RAB27A: variants seen among roughly 807,000 people sequenced by gnomAD.
The protein encoded by RAB27A is RAB27A, member RAS oncogene family.
RAB27A carries 17 observed loss-of-function variants against 20.8 expected under a neutral mutation model. That is an observed-to-expected ratio of 0.82 (90% CI 0.56 to 1.23). The LOEUF (loss-of-function observed/expected upper bound fraction) is 1.23. RAB27A is among the 50% of genes most tolerant of loss of function. The probability of loss-of-function intolerance (pLI) is 0.00; values close to 1 mark genes in which losing one functional copy is unlikely to be tolerated. For missense variants in RAB27A, 277 were observed against 266.7 expected (o/e 1.04, Z -0.27); for synonymous variants, 85 against 92.8 (o/e 0.92, Z 0.48).
intron 2 of RAB27A, among the ~76,000 whole-genome samples, chr15:55,301,142 CA>C (rs1052980165): frequency 6.6e-6 from 1 of 151,994 alleles, no homozygotes; most frequent in African/African-American, 2.4e-5. Flanking sequence ...AGCTTTGGAC[CA>C]AACTAATCTA....
At chr15:55,257,903 G>C (rs1339438731) in intron 2 of RAB27A, among the ~76,000 whole-genome samples, 24 of 152,078 alleles carry the variant, frequency 1.6e-4, no homozygotes, top group Admixed American at 1.6e-3. Context: ...TAAGGCATGA[G>C]AATTGCTTGA....
At chr15:55,265,197 G>A (rs192165841) in intron 2 of RAB27A, among the ~76,000 whole-genome samples, 4 of 152,198 alleles carry the variant, frequency 2.6e-5, no homozygotes, top group East Asian at 1.9e-4. Context: ...AGCCGAGATC[G>A]CACATTGCAC....
chr15:55,296,352 T>C (rs917818814), intron 2 of RAB27A, among the ~76,000 whole-genome samples: 1 of 151,538 alleles, frequency 6.6e-6, no homozygotes, highest in Non-Finnish European at 1.5e-5. Context: ...AAAAATTAGC[T>C]GGGCGTGGTG....
chr15:55,291,435 C>T (rs1462943648), upstream of RAB27A, among the ~76,000 whole-genome samples: 2 of 138,618 alleles, frequency 1.4e-5, no homozygotes, highest in African/African-American at 5.4e-5. Flanking sequence ...CGCTTGAACC[C>T]GAGAGGTGGA....
At chr15:55,277,123 G>A (rs575281607) in intron 1 of RAB27A, among the ~76,000 whole-genome samples, 103 of 152,242 alleles carry the variant, frequency 6.8e-4, no homozygotes, top group Non-Finnish European at 1.2e-3. Context: ...TGGCAGGGGT[G>A]GATGGAGCAA....
intron 6 of RAB27A, among the ~76,000 whole-genome samples, chr15:55,218,017 G>C (rs1895395953): frequency 6.6e-6 from 1 of 152,198 alleles, no homozygotes; most frequent in Admixed American, 6.5e-5. Flanking sequence ...TGTGGCGTAG[G>C]TCAGCATCCT....
intron 6 of RAB27A, among the ~76,000 whole-genome samples, chr15:55,214,968 G>A (rs1895209266): frequency 6.6e-6 from 1 of 152,040 alleles, no homozygotes; most frequent in South Asian, 2.1e-4. Context: ...ATCAGTTAAT[G>A]TCCACAGAAC....
At chr15:55,255,155 C>T (rs1413244352) in intron 2 of RAB27A, among the ~76,000 whole-genome samples, 1 of 152,154 alleles carries the variant, frequency 6.6e-6, no homozygotes, top group Non-Finnish European at 1.5e-5. Context: ...GTTTCAACGG[C>T]AACATCCTCA....
intron 2 of RAB27A, chr15:55,238,482 G>C (rs1408102646): frequency 6.6e-6 from 1 of 152,072 alleles, no homozygotes; most frequent in African/African-American, 2.4e-5. Context: ...TAGATTTCCA[G>C]GTTTCTGTTC....
intron 1 of RAB27A, among the ~76,000 whole-genome samples, chr15:55,274,360 G>A (rs1897789631): frequency 6.6e-6 from 1 of 151,570 alleles, no homozygotes; most frequent in African/African-American, 2.4e-5. Flanking sequence ...AACAAACTAA[G>A]CCCAAAATTA....
intron 2 of RAB27A, among the ~76,000 whole-genome samples, chr15:55,262,583 A>G (rs928297109): frequency 2.0e-5 from 3 of 151,492 alleles, no homozygotes; most frequent in African/African-American, 4.8e-5. Context: ...CAAAACAAAA[A>G]AACAGTGAAT....
chr15:55,275,379 C>A (rs1362393223), intron 1 of RAB27A, among the ~76,000 whole-genome samples: 1 of 152,046 alleles, frequency 6.6e-6, no homozygotes, highest in Non-Finnish European at 1.5e-5. Flanking sequence ...ATAATCCCAG[C>A]AGTTTGGGAA....
chr15:55,290,271 C>G (rs1661351389), upstream of RAB27A: 1 of 152,246 alleles, frequency 6.6e-6, no homozygotes, highest in South Asian at 2.1e-4. Context: ...CCGAGGTTCC[C>G]GAGTCCGCGC....
chr15:55,262,147 T>A (rs1268730009), intron 2 of RAB27A, among the ~76,000 whole-genome samples: 1 of 152,188 alleles, frequency 6.6e-6, no homozygotes, highest in African/African-American at 2.4e-5. Context: ...TAAACATGTA[T>A]CTTCTATTTC....
rs115462735 is a variant in RAB27A, at chr15:55,282,844, C to T, written c.-143+6872G>A. Reference sequence around the variant, plus strand: ...TGGCACCTCCACGAGAACCCCATTTCGCATGATCCCTGGGGGCAGTGGTTC... The same window carrying T: ...TGGCACCTCCACGAGAACCCCATTTTGCATGATCCCTGGGGGCAGTGGTTC... On this transcript the variant is annotated intron_variant, in intron 1 of 6. Transcript: ENST00000336787. Among the ~76,000 whole-genome samples, 834 of 152,254 alleles carry T rather than the reference C, an allele frequency of 5.5e-3. 11 individuals carry two copies. Among genetic ancestry groups the T allele is most frequent in the African/African-American group, 0.019 (799 of 41,520 alleles).
intron 1 of RAB27A, among the ~76,000 whole-genome samples, chr15:55,277,456 G>T (rs1362661415): frequency 6.6e-6 from 1 of 152,152 alleles, no homozygotes; most frequent in Non-Finnish European, 1.5e-5. Context: ...CAGCCTGTTT[G>T]TCTCCATAAT....
intron 6 of RAB27A, among the ~76,000 whole-genome samples, chr15:55,208,289 TA>T (rs1376452110): frequency 6.6e-6 from 1 of 152,202 alleles, no homozygotes; most frequent in Non-Finnish European, 1.5e-5. Context: ...AACATCTATG[TA>T]GTAAAAGTAC....
At chr15:55,286,316 GAAC>G (rs760069705) in intron 1 of RAB27A, among the ~76,000 whole-genome samples, 70 of 152,298 alleles carry the variant, frequency 4.6e-4, no homozygotes, top group Non-Finnish European at 8.5e-4. Flanking sequence ...ACATCACAGT[GAAC>G]AAGGCAGATT....
chr15:55,269,341 C>T (rs1214639040), intron 2 of RAB27A, among the ~76,000 whole-genome samples: 1 of 152,192 alleles, frequency 6.6e-6, no homozygotes, highest in Non-Finnish European at 1.5e-5. Context: ...CCTTACATAA[C>T]AATACCCTTA....
Sources: allele counts gnomAD v4.1 joint callset (sites outside exome capture counted in the v4.1 genomes callset), GRCh38; gene constraint gnomAD v4.1.1; transcripts MANE v1.5; gene names NCBI Gene and HGNC (gene_info 2026-07-23, HGNC 2026-07-21).